Variants in SLC35F3 observed in about 807,000 individuals in gnomAD.
The protein encoded by SLC35F3 is solute carrier family 35 member F3, also known as putative thiamine transporter SLC35F3.
A neutral mutation model predicts 49.9 loss-of-function variants in SLC35F3; 25 were observed. The ratio of observed to expected loss-of-function variants is 0.50; its 90% CI spans 0.37 to 0.70. The LOEUF (loss-of-function observed/expected upper bound fraction) is 0.70. Among genes scored for constraint, SLC35F3 ranks in the 30% least tolerant of loss-of-function variants. SLC35F3 has a pLI of 0.00. For synonymous variants in SLC35F3, 275 were observed against 265.4 expected (o/e 1.04, Z -0.35); for missense variants, 525 against 639.8 (o/e 0.82, Z 1.94).
chr1:234,199,461 C>T (rs765803497), intron 2 of SLC35F3, among the ~76,000 whole-genome samples: 2 of 152,038 alleles, frequency 1.3e-5, no homozygotes, highest in African/African-American at 2.4e-5. Context: ...GAAATTGGAC[C>T]TTATCTCAGA....
At chr1:233,969,056 A>AT (rs1662947502) in intron 2 of SLC35F3, among the ~76,000 whole-genome samples, 3 of 94,546 alleles carry the variant, frequency 3.2e-5, no homozygotes, top group African/African-American at 4.9e-5. Context: ...ATTTTGACAT[A>AT]TTTTGGGGGG....
At chr1:234,176,847 A>ATAT in intron 2 of SLC35F3, among the ~76,000 whole-genome samples, 1 of 151,062 alleles carries the variant, frequency 6.6e-6, no homozygotes, top group Non-Finnish European at 1.5e-5. Context: ...TACTTTCTGG[A>ATAT]CTACTATAAC....
At chr1:234,138,534 A>G (rs551158799) in intron 2 of SLC35F3, among the ~76,000 whole-genome samples, 62 of 152,170 alleles carry the variant, frequency 4.1e-4, no homozygotes, top group Non-Finnish European at 8.5e-4. Flanking sequence ...AGTTTATACC[A>G]AAACACACAG....
In SLC35F3 at chr1:234,270,244, C is replaced by T. The variant is rs571056766; in HGVS notation, c.608+38503C>T. ...TATGCAAAATTTTTGGCACCTGCCCCCTGCCTCAATTCCTCCCACACCAAG... is the reference window on the plus strand; with the variant it reads ...TATGCAAAATTTTTGGCACCTGCCCTCTGCCTCAATTCCTCCCACACCAAG... On this transcript the variant is annotated intron_variant, in intron 3 of 7. Coordinates refer to ENST00000366618, the MANE Select transcript of SLC35F3 (RefSeq NM_173508.4). Among the ~76,000 whole-genome samples the T allele has an allele frequency of 2.0e-4, 31 of 152,266 alleles. No homozygotes were observed. In the East Asian group the frequency reaches 2.5e-3, roughly 12 times the overall value.
At chr1:234,025,550 T>C (rs538051740) in intron 2 of SLC35F3, among the ~76,000 whole-genome samples, 1 of 152,370 alleles carries the variant, frequency 6.6e-6, no homozygotes, top group Admixed American at 6.5e-5. Flanking sequence ...TAGTTTTGAT[T>C]TGCATTGCTC....
At chr1:233,912,201 C>T (rs373389156) in intron 2 of SLC35F3, among the ~76,000 whole-genome samples, 7 of 152,062 alleles carry the variant, frequency 4.6e-5, no homozygotes, top group Non-Finnish European at 7.4e-5. Flanking sequence ...CTAGTTTCGC[C>T]GTGCGCGGTG....
chr1:234,269,919 C>T (rs1668071744), intron 3 of SLC35F3, among the ~76,000 whole-genome samples: 1 of 152,148 alleles, frequency 6.6e-6, no homozygotes, highest in Admixed American at 6.5e-5. Context: ...CCGGAGGCCT[C>T]CCCAGAAGCA....
At chr1:234,096,045 T>C (rs1400882630) in intron 2 of SLC35F3, among the ~76,000 whole-genome samples, 2 of 152,216 alleles carry the variant, frequency 1.3e-5, no homozygotes, top group Non-Finnish European at 2.9e-5. Flanking sequence ...AGCAAGAAAA[T>C]AGTTTCTAGC....
At chr1:234,148,100 G>A (rs748992395) in intron 2 of SLC35F3, among the ~76,000 whole-genome samples, 16 of 152,168 alleles carry the variant, frequency 1.1e-4, no homozygotes, top group Non-Finnish European at 1.5e-4. Flanking sequence ...GATTCACCCC[G>A]GCAAGGTTTG....
intron 3 of SLC35F3, among the ~76,000 whole-genome samples, chr1:234,243,643 C>T (rs1046762814): frequency 4.6e-5 from 7 of 152,204 alleles, no homozygotes; most frequent in Non-Finnish European, 7.3e-5. Context: ...TTCTAGGTTT[C>T]CTGGCCAAGC....
intron 2 of SLC35F3, among the ~76,000 whole-genome samples, chr1:234,006,351 A>G (rs1007123218): frequency 6.6e-6 from 1 of 152,172 alleles, no homozygotes; most frequent in South Asian, 2.1e-4. Flanking sequence ...AACCCAAGAG[A>G]TAGAGTGATT....
intron 2 of SLC35F3, among the ~76,000 whole-genome samples, chr1:234,066,538 G>T (rs531895140): frequency 1.3e-5 from 2 of 152,156 alleles, no homozygotes; most frequent in South Asian, 4.2e-4. Flanking sequence ...CGCCAGGAAG[G>T]CCATGTGCTT....
intron 2 of SLC35F3, among the ~76,000 whole-genome samples, chr1:234,219,620 CT>C (rs1218925950): frequency 2.0e-5 from 3 of 152,170 alleles, no homozygotes; most frequent in Admixed American, 2.0e-4. Flanking sequence ...TGCATTTCAG[CT>C]GAGGGTGAAC....
intron 2 of SLC35F3, among the ~76,000 whole-genome samples, chr1:233,950,010 C>T (rs757803319): frequency 4.6e-5 from 7 of 152,082 alleles, no homozygotes; most frequent in Non-Finnish European, 1.0e-4. Flanking sequence ...TTTTTTCAGA[C>T]ACCTCTGCAC....
chr1:233,990,263 C>T (rs1180219147), intron 2 of SLC35F3, among the ~76,000 whole-genome samples: 1 of 152,076 alleles, frequency 6.6e-6, no homozygotes, highest in African/African-American at 2.4e-5. Context: ...ACTAGAAGTG[C>T]ATGCTCAAGT....
chr1:234,255,695 A>G (rs1388665428), intron 3 of SLC35F3, among the ~76,000 whole-genome samples: 1 of 152,226 alleles, frequency 6.6e-6, no homozygotes, highest in Non-Finnish European at 1.5e-5. Flanking sequence ...GATTCCAGCT[A>G]TGTAACATTC....
chr1:234,266,873 G>GTTTT (rs34040004), intron 3 of SLC35F3, among the ~76,000 whole-genome samples: 402 of 108,468 alleles, frequency 3.7e-3, no homozygotes, highest in Middle Eastern at 0.014. Flanking sequence ...GAAGCACATG[G>GTTTT]TTTTTTTTTT....
chr1:234,058,229 C>T (rs946626758), intron 2 of SLC35F3, among the ~76,000 whole-genome samples: 2 of 146,920 alleles, frequency 1.4e-5, no homozygotes, highest in African/African-American at 5.0e-5. Flanking sequence ...ATTTCATTCA[C>T]AATACCAATT....
At chr1:234,175,778 C>G (rs1032569062) in intron 2 of SLC35F3, among the ~76,000 whole-genome samples, 1 of 151,886 alleles carries the variant, frequency 6.6e-6, no homozygotes, top group Non-Finnish European at 1.5e-5. Context: ...CTGCAGAGGA[C>G]AGAGGCAGCA....
Sources: allele counts gnomAD v4.1 joint callset (sites outside exome capture counted in the v4.1 genomes callset), GRCh38; gene constraint gnomAD v4.1.1; transcripts MANE v1.5; gene names NCBI Gene and HGNC (gene_info 2026-07-23, HGNC 2026-07-21).